BABAM2: variants seen among roughly 807,000 people sequenced by gnomAD.
BABAM2 encodes the protein BRISC and BRCA1-A complex member 2.
BABAM2 carries 31 observed loss-of-function variants against 54.7 expected under a neutral mutation model. The ratio of observed to expected loss-of-function variants is 0.57; its 90% CI spans 0.43 to 0.77. BABAM2 has a LOEUF of 0.77. BABAM2 is among the 30% of genes least tolerant of loss of function. BABAM2 has a pLI of 0.00. For missense variants in BABAM2, 364 were observed against 455.8 expected (o/e 0.80, Z 1.83); for synonymous variants, 167 against 162.9 (o/e 1.03, Z -0.19).
At chr2:27,988,198 CA>C in intron 4 of BABAM2, 111 bp downstream of exon 4, 1 of 977,098 alleles carries the variant, frequency 1.0e-6, no homozygotes, top group Non-Finnish European at 1.6e-6. Context: ...ATTTTTTTCC[CA>C]CCCCTCTTTT....
chr2:27,907,514 A>G (rs941260043), intron 2 of BABAM2, among the ~76,000 whole-genome samples: 1 of 152,084 alleles, frequency 6.6e-6, no homozygotes, highest in Non-Finnish European at 1.5e-5. Flanking sequence ...ATTATGTTTT[A>G]TAATGTGGTA....
Position 28,103,413 on chromosome 2 carries a change from A to G in BABAM2, c.571-25858A>G, listed in dbSNP as rs1487194194. ...CTAGAGCCACAATCTCCTGGGTTCA[A>G]TTGATCCTGCCATCTTAGCCTAGTA... On this transcript the variant is annotated intron_variant, in intron 6 of 11. Transcript: ENST00000379624. 2.0e-5 allele frequency among the ~76,000 whole-genome samples: 3 copies of G among 152,214 alleles called. No individual in the cohort carries two copies. In the East Asian group the frequency reaches 5.8e-4, roughly 29 times the overall value.
At chr2:28,275,519 C>G (rs1445587889) in intron 10 of BABAM2, among the ~76,000 whole-genome samples, 4 of 152,188 alleles carry the variant, frequency 2.6e-5, no homozygotes, top group African/African-American at 9.7e-5. Context: ...TAAAGACCAG[C>G]AGGCAGGCCT....
chr2:27,924,746 C>T (rs544441067), intron 2 of BABAM2, among the ~76,000 whole-genome samples: 19 of 152,106 alleles, frequency 1.2e-4, no homozygotes, highest in Non-Finnish European at 1.5e-5. Flanking sequence ...CTTGAATTTT[C>T]ACAGTAAATT....
intron 2 of BABAM2, among the ~76,000 whole-genome samples, chr2:27,911,436 G>C (rs2148305510): frequency 6.6e-6 from 1 of 152,158 alleles, no homozygotes; most frequent in Non-Finnish European, 1.5e-5. Context: ...AAAGAAAGGG[G>C]TGGATTTGAA....
At chr2:28,250,216 G>T (rs74341960) in intron 10 of BABAM2, among the ~76,000 whole-genome samples, 1,681 of 152,112 alleles carry the variant, frequency 0.011, 25 homozygotes, top group African/African-American at 0.038. Flanking sequence ...TTCCAGGGAA[G>T]GCAGTCCCTG....
At chr2:28,072,830 C>T (rs1456872653) in intron 6 of BABAM2, among the ~76,000 whole-genome samples, 1 of 152,202 alleles carries the variant, frequency 6.6e-6, no homozygotes, top group African/African-American at 2.4e-5. Flanking sequence ...ATGTAGAAAA[C>T]TTTGAACATA....
chr2:28,126,721 T>C (rs1334491020), intron 6 of BABAM2, among the ~76,000 whole-genome samples: 2 of 135,094 alleles, frequency 1.5e-5, no homozygotes, highest in Admixed American at 7.8e-5. Flanking sequence ...ATCGCCACAC[T>C]GACTTCCACA....
At chr2:28,077,319 C>T (rs1664775730) in intron 6 of BABAM2, among the ~76,000 whole-genome samples, 1 of 152,050 alleles carries the variant, frequency 6.6e-6, no homozygotes, top group Non-Finnish European at 1.5e-5. Flanking sequence ...TGTTTCGTTC[C>T]TATATGCTTT....
At chr2:27,991,820 A>G (rs1441661270) in intron 4 of BABAM2, among the ~76,000 whole-genome samples, 1 of 152,156 alleles carries the variant, frequency 6.6e-6, no homozygotes, top group Non-Finnish European at 1.5e-5. Flanking sequence ...GCCGTATTTT[A>G]GCTATTGTAA....
chr2:28,247,479 G>A (rs1326076816), intron 10 of BABAM2, among the ~76,000 whole-genome samples: 1 of 152,098 alleles, frequency 6.6e-6, no homozygotes, highest in Non-Finnish European at 1.5e-5. Context: ...AATGCCCAAG[G>A]GACCACTTGT....
intron 10 of BABAM2, among the ~76,000 whole-genome samples, chr2:28,284,035 G>A (rs1227838606): frequency 6.6e-6 from 1 of 152,092 alleles, no homozygotes; most frequent in Non-Finnish European, 1.5e-5. Flanking sequence ...CTTTAAATTT[G>A]GATGTACAAG....
intron 4 of BABAM2, among the ~76,000 whole-genome samples, chr2:28,009,818 C>T (rs1418244923): frequency 6.6e-6 from 1 of 152,106 alleles, no homozygotes; most frequent in Non-Finnish European, 1.5e-5. Flanking sequence ...TTTAAGCCTC[C>T]TGGAGAGAGA....
intron 2 of BABAM2, among the ~76,000 whole-genome samples, chr2:27,906,331 A>G (rs1403936641): frequency 6.6e-6 from 1 of 152,158 alleles, no homozygotes; most frequent in African/African-American, 2.4e-5. Flanking sequence ...CTTACTCCTC[A>G]TATCCCAGCC....
chr2:28,073,763 A>T (rs4665402), intron 6 of BABAM2, among the ~76,000 whole-genome samples: 42,782 of 151,976 alleles, frequency 0.28, 6,757 homozygotes, highest in East Asian at 0.58. Context: ...CTGGATTCTG[A>T]TAAATGAATG....
intron 7 of BABAM2, among the ~76,000 whole-genome samples, chr2:28,184,272 C>CTG (rs1676011850): frequency 8.5e-6 from 1 of 117,096 alleles, no homozygotes; most frequent in South Asian, 3.8e-4. Context: ...CCCTCTCTCT[C>CTG]TCTCTCTCTC....
intron 3 of BABAM2, among the ~76,000 whole-genome samples, chr2:27,932,795 C>T (rs2148358276): frequency 6.6e-6 from 1 of 152,296 alleles, no homozygotes; most frequent in Admixed American, 6.5e-5. Flanking sequence ...AGATGGCTTC[C>T]TCCTCATCAG....
At chr2:28,308,194 C>T (rs981936418) in intron 11 of BABAM2, 4 of 326,348 alleles carry the variant, frequency 1.2e-5, no homozygotes, top group South Asian at 3.3e-5. Flanking sequence ...TCTTGCCCCT[C>T]CCAAAGCTGA....
chr2:28,151,724 G>A (rs1672059828), intron 7 of BABAM2, among the ~76,000 whole-genome samples: 1 of 152,224 alleles, frequency 6.6e-6, no homozygotes, highest in Non-Finnish European at 1.5e-5. Flanking sequence ...AGTTGGAAAT[G>A]CTTTGATAAC....
Sources: gnomAD v4.1 joint callset for allele counts (sites outside exome capture counted in the v4.1 genomes callset) on GRCh38, gnomAD v4.1.1 for gene constraint, MANE v1.5 for transcripts, NCBI Gene and HGNC (gene_info 2026-07-23, HGNC 2026-07-21) for gene names.